Variants in NKAIN2 observed in about 807,000 individuals in gnomAD.
NKAIN2 encodes the protein sodium/potassium-transporting ATPase subunit beta-1-interacting protein 2.
In NKAIN2, 14 loss-of-function variants were observed where a neutral mutation model predicts 32.6. The observed-to-expected ratio is 0.43, with a 90% CI of 0.28 to 0.67. The LOEUF is 0.67. Among genes scored for constraint, NKAIN2 ranks in the 30% least tolerant of loss-of-function variants. NKAIN2 has a pLI of 0.17. For missense variants in NKAIN2, 198 were observed against 258.3 expected, an observed-to-expected ratio of 0.77 and a Z score of 1.60; for synonymous variants, 80 against 87.2, an observed-to-expected ratio of 0.92 and a Z score of 0.46.
Position 124,240,124 on chromosome 6 carries a change from C to T in NKAIN2, c.55-42881C>T, listed in dbSNP as rs565014210. 5.5e-4 allele frequency among the ~76,000 whole-genome samples: 84 copies of T among 152,240 alleles called. 1 individual carries two copies. Among genetic ancestry groups the T allele is most frequent in the African/African-American group, 2.0e-3 (83 of 41,544 alleles). On this transcript the variant is annotated intron_variant, in intron 1 of 6. Transcript: ENST00000368417. ...AGAGAATACTGTAAACAACTCTATG[C>T]AAATAAACTAGAAAATCTAGAAGAA...
chr6:124,702,777 C>T (rs1193682339), intron 4 of NKAIN2, among the ~76,000 whole-genome samples: 1 of 152,046 alleles, frequency 6.6e-6, no homozygotes, highest in East Asian at 1.9e-4. Context: ...ATTACAATTC[C>T]ACGCCCTAAA....
Position 124,099,378 on chromosome 6 carries a change from G to T in NKAIN2, c.55-183627G>T, listed in dbSNP as rs562239772. Reference sequence around the variant, plus strand: ...TGTTAAAAATGTAATTTGAATTTAGGTTGCCTGACCTGAAAGTACAGACAT... The same window carrying T: ...TGTTAAAAATGTAATTTGAATTTAGTTTGCCTGACCTGAAAGTACAGACAT... On this transcript the variant is annotated intron_variant, in intron 1 of 6. Coordinates refer to ENST00000368417, the MANE Select transcript of NKAIN2 (RefSeq NM_001040214.3). 1.4e-3 allele frequency among the ~76,000 whole-genome samples: 206 copies of T among 152,218 alleles called. 2 individuals are homozygous for T. Among genetic ancestry groups the T allele is most frequent in the African/African-American group, 4.6e-3 (193 of 41,534 alleles).
At chr6:124,496,364 A>C (rs765794367) in intron 3 of NKAIN2, among the ~76,000 whole-genome samples, 5 of 152,182 alleles carry the variant, frequency 3.3e-5, no homozygotes, top group Non-Finnish European at 5.9e-5. Flanking sequence ...ATAAACATTA[A>C]TTAAATTCCT....
intron 3 of NKAIN2, among the ~76,000 whole-genome samples, chr6:124,375,396 T>C (rs1431197189): frequency 1.4e-5 from 2 of 147,772 alleles, no homozygotes; most frequent in Non-Finnish European, 3.0e-5. Flanking sequence ...TATATATGTA[T>C]ATAAATTATA....
chr6:124,409,323 T>C (rs1250271043), intron 3 of NKAIN2, among the ~76,000 whole-genome samples: 2 of 152,136 alleles, frequency 1.3e-5, no homozygotes, highest in Non-Finnish European at 2.9e-5. Flanking sequence ...TGATATTGGC[T>C]GTGGGTTTGT....
intron 1 of NKAIN2, among the ~76,000 whole-genome samples, chr6:123,867,639 T>C (rs764063929): frequency 7.2e-5 from 11 of 152,230 alleles, no homozygotes; most frequent in Non-Finnish European, 1.2e-4. Context: ...TTTTATACTA[T>C]TTCAAAATGT....
intron 1 of NKAIN2, among the ~76,000 whole-genome samples, chr6:124,085,503 C>T (rs1394850789): frequency 6.6e-6 from 1 of 151,376 alleles, no homozygotes; most frequent in Non-Finnish European, 1.5e-5. Flanking sequence ...CGGCTCAAAT[C>T]CCAAATCTGG....
In NKAIN2 at chr6:124,358,869, T is replaced by A. The variant is rs575154860; in HGVS notation, c.273+3522T>A. 1.8e-3 allele frequency among the ~76,000 whole-genome samples: 270 copies of A among 151,356 alleles called. 1 individual carries two copies. The highest frequency in any genetic ancestry group is 6.1e-3 in the African/African-American group (252 of 41,222). On this transcript the variant is annotated intron_variant, in intron 3 of 6. Coordinates refer to ENST00000368417, the MANE Select transcript of NKAIN2 (RefSeq NM_001040214.3). ...GCCCATGCCTATGTCCTGAATGGTA[T>A]TGCCTAGGTTTTCTTCTAGGGTTTT...
chr6:123,872,072 G>A (rs546464630), intron 1 of NKAIN2, among the ~76,000 whole-genome samples: 6 of 152,054 alleles, frequency 3.9e-5, no homozygotes, highest in South Asian at 4.2e-4. Flanking sequence ...TGCTGTTCTG[G>A]TAGCATCACC....
chr6:124,706,130 A>C (rs558632898), intron 4 of NKAIN2, among the ~76,000 whole-genome samples: 25 of 152,320 alleles, frequency 1.6e-4, no homozygotes, highest in African/African-American at 5.8e-4. Context: ...GGTCTGTTCC[A>C]GTACCTAGTA....
At chr6:124,416,424 T>C (rs537145299) in intron 3 of NKAIN2, among the ~76,000 whole-genome samples, 2 of 152,090 alleles carry the variant, frequency 1.3e-5, no homozygotes, top group Non-Finnish European at 2.9e-5. Flanking sequence ...AGGCACAAAC[T>C]CAGGAGTCTG....
At chr6:123,921,194 AG>A (rs1775735756) in intron 1 of NKAIN2, among the ~76,000 whole-genome samples, 2 of 152,222 alleles carry the variant, frequency 1.3e-5, no homozygotes, top group Non-Finnish European at 2.9e-5. Flanking sequence ...AACTTTTAAA[AG>A]TCAGCCAGTT....
At chr6:124,793,898 A>T (rs1779877557) in intron 5 of NKAIN2, among the ~76,000 whole-genome samples, 1 of 152,160 alleles carries the variant, frequency 6.6e-6, no homozygotes, top group African/African-American at 2.4e-5. Context: ...TTATATCCAC[A>T]GTTCCCCGGG....
At chr6:124,805,495 T>C (rs1780502826) in intron 5 of NKAIN2, among the ~76,000 whole-genome samples, 1 of 151,918 alleles carries the variant, frequency 6.6e-6, no homozygotes, top group South Asian at 2.1e-4. Context: ...CATCTGTACA[T>C]CACCATCATC....
intron 1 of NKAIN2, among the ~76,000 whole-genome samples, chr6:124,238,196 G>A (rs1792879329): frequency 6.6e-6 from 1 of 151,952 alleles, no homozygotes; most frequent in Non-Finnish European, 1.5e-5. Context: ...GGAAGGAGCA[G>A]GAATAGCGAA....
At chr6:123,850,574 C>T (rs139151288) in intron 1 of NKAIN2, among the ~76,000 whole-genome samples, 1 of 152,072 alleles carries the variant, frequency 6.6e-6, no homozygotes, top group East Asian at 1.9e-4. Context: ...CCAGAGTTCA[C>T]TTCTAACTTT....
intron 2 of NKAIN2, among the ~76,000 whole-genome samples, chr6:124,286,410 C>G (rs1299355968): frequency 6.6e-6 from 1 of 152,012 alleles, no homozygotes; most frequent in Non-Finnish European, 1.5e-5. Flanking sequence ...AAGGCTTTTA[C>G]TATATAATTA....
At chr6:123,806,352 A>G (rs1401757311) in intron 1 of NKAIN2, among the ~76,000 whole-genome samples, 1 of 152,136 alleles carries the variant, frequency 6.6e-6, no homozygotes, top group South Asian at 2.1e-4. Flanking sequence ...ATTAGCAGCC[A>G]TGTTAACGCA....
intron 3 of NKAIN2, among the ~76,000 whole-genome samples, chr6:124,568,459 G>A (rs1018023862): frequency 4.6e-5 from 7 of 152,098 alleles, no homozygotes; most frequent in African/African-American, 1.7e-4. Context: ...CATCCGTTTA[G>A]GATGGCTAAT....
Sources: allele counts gnomAD v4.1 joint callset (sites outside exome capture counted in the v4.1 genomes callset), GRCh38; gene constraint gnomAD v4.1.1; transcripts MANE v1.5; gene names NCBI Gene and HGNC (gene_info 2026-07-23, HGNC 2026-07-21).